The following C9orf78 variants were observed in gnomAD, a reference collection of about 807,000 sequenced individuals.
C9orf78 encodes chromosome 9 open reading frame 78.
Under a neutral mutation model 37.4 loss-of-function variants are expected in C9orf78, and 19 were observed. That is an observed-to-expected ratio of 0.51 (90% CI 0.35 to 0.74). The LOEUF (loss-of-function observed/expected upper bound fraction) is 0.74. Among genes scored for constraint, C9orf78 ranks in the 30% least tolerant of loss-of-function variants. C9orf78 has a pLI of 0.01. For synonymous variants in C9orf78, 130 were observed against 128.0 expected, an observed-to-expected ratio of 1.02 and a Z score of -0.10; for missense variants, 291 against 370.8, an observed-to-expected ratio of 0.78 and a Z score of 1.77.
intron 8 of C9orf78, 147 bp from the exon 9 acceptor site, chr9:129,828,399 A>T: frequency 9.1e-6 from 5 of 551,244 alleles, no homozygotes; most frequent in African/African-American, 2.2e-5. Context: ...GCCTCAGTAG[A>T]TACGTATTTG....
chr9:129,835,060 G>A lies in C9orf78; in HGVS notation c.83+79C>T, dbSNP rs571223625. 3.4e-6 allele frequency: 4 copies of A among 1,162,158 alleles called. No homozygotes were observed. The Admixed American group carries it at 7.5e-5, about 22-fold the overall frequency. The allele number at this position is 1,162,158 out of a possible 1,614,324, so 72.0% of individuals were successfully genotyped here. On this transcript the variant is annotated intron_variant, in intron 1 of 8. Transcript: ENST00000372447. ...CCCGAGCTCACAGTTAACAATGTCA[G>A]CGAAGCGCCGAGCCGGTGGTGAGTC...
At position 129,828,176 on chromosome 9, in the gene C9orf78, C is replaced by A; in HGVS notation, c.855G>T (p.Met285Ile). 1 of 1,591,594 alleles carries A rather than the reference C, an allele frequency of 6.3e-7. No individual in the cohort carries two copies. The highest frequency in any genetic ancestry group is 1.1e-5 in the South Asian group (1 of 90,612). ...DDYHYEKFKK[M>I]NRRY is the part of the protein sequence containing the mutation. ...TCTGCACAACTCAGTACCGCCTATT[C>A]ATTTTCTTGAACTTCTCATAATGAT... Residue 285 changes from methionine (M) to isoleucine (I), a missense_variant, in exon 9 of 9, where the codon ATG becomes ATT. Physicochemically the swap from Met to Ile is conservative, Grantham distance 10 (BLOSUM62 1). Coordinates refer to ENST00000372447, the MANE Select transcript of C9orf78 (RefSeq NM_016520.3).
In C9orf78 at chr9:129,832,035, T is replaced by C. The variant is rs565256069; in HGVS notation, c.267-62A>G. 4.9e-6 allele frequency: 4 copies of C among 818,586 alleles called. No homozygotes were observed. In the East Asian group the frequency reaches 7.3e-5, roughly 15 times the overall value. 50.7% of individuals were successfully genotyped at this position (818,586 alleles called of 1,614,324 possible). The stretch of plus-strand genomic sequence containing the variant: ...CACAACTCAATGAGGCTGAGTTTTA[T>C]GTTCTAAGAAGAAAACAAAGACATA... On this transcript the variant is annotated intron_variant, in intron 4 of 8. Coordinates refer to ENST00000372447, the MANE Select transcript of C9orf78 (RefSeq NM_016520.3).
intron 1 of C9orf78, 86 bp from the exon 2 acceptor site, chr9:129,834,852 G>A: frequency 2.8e-6 from 3 of 1,065,658 alleles, no homozygotes; most frequent in South Asian, 2.6e-5. Flanking sequence ...AGGCACCTTC[G>A]AGGGCATCCC....
intron 1 of C9orf78, 159 bp from the exon 2 acceptor site, chr9:129,834,925 G>A (rs1436448350): frequency 2.8e-5 from 19 of 682,836 alleles, no homozygotes; most frequent in African/African-American, 3.6e-5. Flanking sequence ...AGACCCACCG[G>A]GAGTCAGAGC....
chr9:129,833,771 G>C, intron 2 of C9orf78, 62 bp from the exon 3 acceptor site: 1 of 1,233,066 alleles, frequency 8.1e-7, no homozygotes, highest in Non-Finnish European at 1.2e-6. Flanking sequence ...TCAGAGATAA[G>C]GAGGAACCCT....
intron 4 of C9orf78, among the ~76,000 whole-genome samples, 188 bp downstream of exon 4, chr9:129,833,259 T>A (rs1203633887): frequency 2.0e-5 from 3 of 152,018 alleles, no homozygotes; most frequent in East Asian, 3.9e-4. Flanking sequence ...TCTACCAACT[T>A]GGCTCTAAGT....
Position 129,831,046 on chromosome 9 carries a change from G to C in C9orf78, c.367C>G (p.Leu123Val). The C allele has an allele frequency of 6.2e-7, 1 of 1,613,074 alleles. No homozygotes were observed. Among genetic ancestry groups the C allele is most frequent in the Non-Finnish European group, 8.5e-7 (1 of 1,179,276 alleles). Residue 123 changes from leucine to valine, a missense_variant, in exon 6 of 9, where the codon CTA (leucine) becomes GTA (valine). Leu to Val is a conservative substitution (Grantham distance 32). Transcript: ENST00000372447. ...TCCACGATCCCTTTCCTCTTCTTTAGCTCTGTCTCAATGTACTTCATCCTG... is the reference window on the plus strand; with the variant it reads ...TCCACGATCCCTTTCCTCTTCTTTACCTCTGTCTCAATGTACTTCATCCTG... ...ADMMKYIETE[L>V]KKRKGIVEHE...
chr9:129,829,440 G>A lies in C9orf78; in HGVS notation c.644C>T (p.Thr215Ile). The change falls in exon 7 of 9, where the codon ACC (threonine) becomes ATC (isoleucine). Residue 215 changes from threonine to isoleucine, a missense_variant. Around this residue, in one of 3 missense-constraint regions of C9orf78, gnomAD observed 120 missense variants for 148.7 expected, o/e 0.81. Coordinates refer to ENST00000372447, the MANE Select transcript of C9orf78 (RefSeq NM_016520.3). ...KKDSETSFVP[T>I]NMAVNYVQHN... ...CTGCACATAATTCACAGCCATGTTG[G>A]TAGGCACGAAGGAGGTCTCGCTGTC... is the stretch of plus-strand genomic sequence containing the variant. 1.2e-6 allele frequency: 2 copies of A among 1,614,158 alleles called. No individual in the cohort carries two copies. The highest frequency in any genetic ancestry group is 1.7e-6 in the Non-Finnish European group (2 of 1,180,014).
intron 5 of C9orf78, 26 bp from the exon 6 acceptor site, chr9:129,831,094 A>T: frequency 4.0e-6 from 6 of 1,484,394 alleles, no homozygotes; most frequent in South Asian, 1.1e-5. Context: ...CAGAGGCCTC[A>T]GGGAGGGGTG....
In C9orf78 at chr9:129,831,081, AC is replaced by A. The variant is rs750277430; in HGVS notation, c.345-14del. ...AATGTACTTCATCCTGAAGTGAGAA[AC>A]CCAGAGGCCTCAGGGAGGGGTGGGA... On this transcript the variant is annotated splice_polypyrimidine_tract_variant and intron_variant, in intron 5 of 8. Coordinates refer to ENST00000372447, the MANE Select transcript of C9orf78 (RefSeq NM_016520.3). 6.3e-7 allele frequency: 1 copy of A among 1,585,002 alleles called. No individual in the cohort carries two copies. Among genetic ancestry groups the A allele is most frequent in the South Asian group, 1.1e-5 (1 of 90,430 alleles).
In C9orf78 at chr9:129,827,379, TA is replaced by T. The variant is rs2031363495; in HGVS notation, c.*781del. On this transcript the variant is annotated 3_prime_UTR_variant, in exon 9 of 9. Coordinates refer to ENST00000372447, the MANE Select transcript of C9orf78 (RefSeq NM_016520.3). ...TAATGAAAACAAACAAGTAATTTTGTAAAAGTCAGAAAACACCAGTATCCTT... is the reference window on the plus strand; with the variant it reads ...TAATGAAAACAAACAAGTAATTTTGTAAAGTCAGAAAACACCAGTATCCTT... 1 of 152,112 alleles carries T rather than the reference TA, an allele frequency of 6.6e-6. No individual in the cohort carries two copies. The highest frequency in any genetic ancestry group is 2.4e-5 in the African/African-American group (1 of 41,404). The allele number at this position is 152,112 out of a possible 1,614,324, so 9.4% of individuals were successfully genotyped here. A position where few individuals can be genotyped will look rare whatever the true frequency, so the allele number is the denominator to read the frequency against.
rs2031692197 is a variant in C9orf78 at position 129,835,210 on chromosome 9, G to A, written c.12C>T (p.Val4=). 3.1e-6 allele frequency: 5 copies of A among 1,609,894 alleles called. No homozygotes were observed. In the African/African-American group the frequency reaches 4.0e-5, roughly 13 times the overall value. The part of the protein sequence containing the change: MPV[V]RKIFRRRRGD... Reference sequence around the variant, plus strand: ...CCCGGCGGCGACGGAAAATCTTCCGGACGACCGGCATGGTGACAACGGCCG... The same window carrying A: ...CCCGGCGGCGACGGAAAATCTTCCGAACGACCGGCATGGTGACAACGGCCG... The change falls in exon 1 of 9, where the codon GTC becomes GTT. Residue 4 remains valine, a synonymous_variant. Coordinates refer to ENST00000372447, the MANE Select transcript of C9orf78 (RefSeq NM_016520.3).
intron 8 of C9orf78, 39 bp from the exon 9 acceptor site, chr9:129,828,291 T>C: frequency 8.4e-7 from 1 of 1,183,530 alleles, no homozygotes; most frequent in Middle Eastern, 2.2e-4. Context: ...TTTGCCATGC[T>C]GGAACCCACT....
chr9:129,833,089 G>GTA (rs892753113), intron 4 of C9orf78, among the ~76,000 whole-genome samples: 5 of 138,216 alleles, frequency 3.6e-5, no homozygotes, highest in African/African-American at 1.1e-4. Flanking sequence ...GTGTGTGTGT[G>GTA]TATACATACA....
chr9:129,829,299 A>G lies in C9orf78; in HGVS notation c.684T>C (p.Tyr228=). 2.5e-6 allele frequency: 4 copies of G among 1,605,680 alleles called. No homozygotes were observed. Among genetic ancestry groups the G allele is most frequent in the Non-Finnish European group, 3.4e-6 (4 of 1,175,694 alleles). Residue 228 remains tyrosine, a synonymous_variant, in exon 8 of 9, where the codon TAT becomes TAC. Transcript: ENST00000372447. ...AVNYVQHNRF[Y]HEELNAPIRR... ...GTATGGGCGCGTTGAGCTCCTCATG[A>G]TAAACTGGACCCAAAGAGACCAGGG...
At chr9:129,829,329 C>T (rs772308905) in intron 7 of C9orf78, 26 bp from the exon 8 acceptor site, 40 of 1,601,422 alleles carry the variant, frequency 2.5e-5, no homozygotes, top group South Asian at 1.9e-4. Flanking sequence ...CCAGGGGACA[C>T]GTTAGAACAT....
intron 1 of C9orf78, 183 bp downstream of exon 1, chr9:129,834,956 T>C (rs2031669648): frequency 3.0e-6 from 2 of 670,224 alleles, no homozygotes; most frequent in Admixed American, 5.4e-5. Flanking sequence ...CCCGGAGGCA[T>C]CTCTCTCAAC....
rs772429578 is a variant in C9orf78, at chr9:129,828,156, A to G, written c.*5T>C. The stretch of plus-strand genomic sequence containing the variant: ...AGGCGATATTTACATCCCACTCTGC[A>G]CAACTCAGTACCGCCTATTCATTTT... On this transcript the variant is annotated 3_prime_UTR_variant, in exon 9 of 9. Coordinates refer to ENST00000372447, the MANE Select transcript of C9orf78 (RefSeq NM_016520.3). 3 of 1,528,934 alleles carry G rather than the reference A, an allele frequency of 2.0e-6. No homozygotes were observed. Among genetic ancestry groups the G allele is most frequent in the South Asian group, 1.1e-5 (1 of 89,402 alleles). The allele number at this position is 1,528,934 out of a possible 1,614,324, so 94.7% of individuals were successfully genotyped here.
Sources: allele counts gnomAD v4.1 joint callset (sites outside exome capture counted in the v4.1 genomes callset), GRCh38; gene constraint gnomAD v4.1.1; regional missense constraint gnomAD v4.1.1; transcripts MANE v1.5; gene names NCBI Gene and HGNC (gene_info 2026-07-23, HGNC 2026-07-21).